Variants in EDA observed in about 807,000 individuals in gnomAD.
The protein encoded by EDA is ectodysplasin-A.
A neutral mutation model predicts 23.6 loss-of-function variants in EDA; 2 were observed. The ratio of observed to expected loss-of-function variants is 0.08; its 90% CI spans 0.03 to 0.27. The LOEUF is 0.27. Among genes scored for constraint, EDA ranks in the 10% least tolerant of loss-of-function variants. The pLI, the probability that EDA is intolerant of heterozygous loss-of-function variation, is 1.00. For missense variants in EDA, 229 were observed against 324.2 expected, an observed-to-expected ratio of 0.71 and a Z score of 2.26; for synonymous variants, 131 against 132.0, an observed-to-expected ratio of 0.99 and a Z score of 0.05.
intron 1 of EDA, among the ~76,000 whole-genome samples, chrX:69,783,578 A>G (rs1602400898): frequency 9.1e-6 from 1 of 110,267 alleles, no homozygotes. Context: ...GAGAATGATG[A>G]TTTCCAATTT....
intron 7 of EDA, among the ~76,000 whole-genome samples, chrX:70,034,453 T>C (rs767494995): frequency 1.4e-4 from 16 of 111,916 alleles, no homozygotes; most frequent in African/African-American, 5.2e-4. Context: ...TTTACGGTGA[T>C]ATCTGAGAGT....
At chrX:69,657,230 T>G (rs190064149) in intron 1 of EDA, among the ~76,000 whole-genome samples, 58 of 112,269 alleles carry the variant, frequency 5.2e-4, no homozygotes, top group Admixed American at 4.2e-3. Flanking sequence ...GGATTTGATT[T>G]GCATTTTTCT....
At chrX:69,758,615 C>G (rs1341221660) in intron 1 of EDA, among the ~76,000 whole-genome samples, 1 of 112,179 alleles carries the variant, frequency 8.9e-6, no homozygotes, top group Non-Finnish European at 1.9e-5. Flanking sequence ...GGGCAGATCA[C>G]CTGAGGTCAG....
At position 69,910,350 on chromosome X, in the gene EDA, GGAGA is replaced by G. The variant is rs1181006363; in HGVS notation, c.397-46655_397-46652del. Reference sequence around the variant, plus strand: ...GGTTATCTATAATATGCTAGGTAAAGGAGAGAGAGAGAGAGAGAGAGAGAGTGTG... The same window carrying G: ...GGTTATCTATAATATGCTAGGTAAAGGAGAGAGAGAGAGAGAGAGAGTGTG... On this transcript the variant is annotated intron_variant, in intron 1 of 7. Coordinates refer to ENST00000374552, the MANE Select transcript of EDA (RefSeq NM_001399.5). Among the ~76,000 whole-genome samples, 119 of 63,540 alleles carry G rather than the reference GGAGA, an allele frequency of 1.9e-3. 1 individual carries two copies. The Middle Eastern group carries it at 0.029, about 16-fold the overall frequency. 55.2% of individuals were successfully genotyped at this position (63,540 alleles called of 115,157 possible).
intron 1 of EDA, among the ~76,000 whole-genome samples, chrX:69,923,469 C>T (rs1033621913): frequency 9.0e-6 from 1 of 111,689 alleles, no homozygotes; most frequent in Admixed American, 9.5e-5. Context: ...GACATGATCT[C>T]ATTCCTTTTT....
chrX:69,798,333 G>C (rs950126948), intron 1 of EDA, among the ~76,000 whole-genome samples: 1 of 111,709 alleles, frequency 9.0e-6, no homozygotes, highest in African/African-American at 3.3e-5. Context: ...GACATTTACA[G>C]AACAGTTTAT....
At chrX:69,677,659 A>G (rs1034051934) in intron 1 of EDA, among the ~76,000 whole-genome samples, 12 of 111,886 alleles carry the variant, frequency 1.1e-4, no homozygotes, top group Non-Finnish European at 1.5e-4. Flanking sequence ...TCCTTTGCCC[A>G]CTTTTTGATG....
At position 69,742,797 on chromosome X, in the gene EDA, A is replaced by T. The variant is rs777771063; in HGVS notation, c.396+126093A>T. 3.6e-5 allele frequency among the ~76,000 whole-genome samples: 4 copies of T among 111,005 alleles called. No individual in the cohort carries two copies. In the South Asian group the frequency reaches 1.6e-3, roughly 45 times the overall value. On this transcript the variant is annotated intron_variant, in intron 1 of 7. Transcript: ENST00000374552. ...GTACTTCTATGCAGTAAACTAGGGC[A>T]ATAATTGGGCTTACCTTGTTTGGTT... is the stretch of plus-strand genomic sequence containing the variant.
At chrX:69,657,424 A>G (rs1020928841) in intron 1 of EDA, among the ~76,000 whole-genome samples, 2 of 111,807 alleles carry the variant, frequency 1.8e-5, no homozygotes, top group Admixed American at 1.9e-4. Flanking sequence ...CTCATTCTGT[A>G]GGTTGTCTGT....
chrX:69,666,647 A>C (rs1166539791), intron 1 of EDA, among the ~76,000 whole-genome samples: 1 of 112,349 alleles, frequency 8.9e-6, no homozygotes, highest in Non-Finnish European at 1.9e-5. Flanking sequence ...GATAATTCCC[A>C]CTTGGTCAGC....
At chrX:69,901,831 A>G (rs1363421534) in intron 1 of EDA, among the ~76,000 whole-genome samples, 1 of 111,716 alleles carries the variant, frequency 9.0e-6, no homozygotes, top group Non-Finnish European at 1.9e-5. Context: ...GAAGCTTTCC[A>G]GGAAACCCCA....
intron 1 of EDA, among the ~76,000 whole-genome samples, chrX:69,809,283 G>C (rs2015886684): frequency 9.0e-6 from 1 of 111,219 alleles, no homozygotes; most frequent in Non-Finnish European, 1.9e-5. Context: ...AGAATGTCTG[G>C]GAGGCTTCAG....
chrX:69,698,757 G>T (rs937470822), intron 1 of EDA, among the ~76,000 whole-genome samples: 1 of 111,009 alleles, frequency 9.0e-6, no homozygotes, highest in Non-Finnish European at 1.9e-5. Context: ...CTGAAGATTG[G>T]GGCCTGTAGG....
intron 1 of EDA, among the ~76,000 whole-genome samples, chrX:69,669,940 C>A (rs890888373): frequency 8.9e-6 from 1 of 112,019 alleles, no homozygotes; most frequent in Non-Finnish European, 1.9e-5. Flanking sequence ...CACACCATTA[C>A]AACAGTATTG....
At chrX:69,739,687 T>C (rs1356379468) in intron 1 of EDA, among the ~76,000 whole-genome samples, 2 of 111,274 alleles carry the variant, frequency 1.8e-5, no homozygotes, top group African/African-American at 6.5e-5. Flanking sequence ...GCTTACCATA[T>C]ATGTCTTAAT....
intron 1 of EDA, among the ~76,000 whole-genome samples, chrX:69,821,859 T>G (rs886982053): frequency 1.8e-5 from 2 of 112,240 alleles, no homozygotes; most frequent in African/African-American, 6.5e-5. Flanking sequence ...GCATTTGAAA[T>G]GTACAGTTTG....
intron 1 of EDA, among the ~76,000 whole-genome samples, chrX:69,670,849 T>G (rs1198338668): frequency 2.7e-5 from 3 of 112,197 alleles, no homozygotes; most frequent in Non-Finnish European, 5.6e-5. Context: ...CTATATCTTC[T>G]GTGGTATCTT....
intron 1 of EDA, among the ~76,000 whole-genome samples, chrX:69,734,032 G>A (rs2013155405): frequency 9.0e-6 from 1 of 110,520 alleles, no homozygotes; most frequent in Non-Finnish European, 1.9e-5. Context: ...TTTCTTAAAT[G>A]TTTGGTGTAA....
At chrX:70,020,535 C>T (rs985617208) in intron 2 of EDA, among the ~76,000 whole-genome samples, 72 of 103,411 alleles carry the variant, frequency 7.0e-4, no homozygotes, top group Non-Finnish European at 1.2e-3. Flanking sequence ...CTCCAGCCTG[C>T]GCGACAGAGC....
Sources: gnomAD v4.1 joint callset for allele counts (sites outside exome capture counted in the v4.1 genomes callset) on GRCh38, gnomAD v4.1.1 for gene constraint, MANE v1.5 for transcripts, NCBI Gene and HGNC (gene_info 2026-07-23, HGNC 2026-07-21) for gene names.